CNTNAP4: variants seen among roughly 807,000 people sequenced by gnomAD.
CNTNAP4 encodes the protein contactin-associated protein-like 4.
Under a neutral mutation model 148.4 loss-of-function variants are expected in CNTNAP4, and 98 were observed. The observed-to-expected ratio is 0.66, with a 90% CI of 0.56 to 0.78. CNTNAP4 has a LOEUF of 0.78. Ranked by LOEUF, CNTNAP4 falls within the 30% of genes least tolerant of loss-of-function variation. CNTNAP4 has a pLI of 0.00. For missense variants in CNTNAP4, 1,935 were observed against 1,565.6 expected, an observed-to-expected ratio of 1.24 and a Z score of -3.98; for synonymous variants, 730 against 565.1, an observed-to-expected ratio of 1.29 and a Z score of -4.14.
At chr16:76,367,776 G>A (rs1477574357) in intron 3 of CNTNAP4, among the ~76,000 whole-genome samples, 4 of 152,128 alleles carry the variant, frequency 2.6e-5, no homozygotes, top group Non-Finnish European at 5.9e-5. Flanking sequence ...GGCTTAGTGG[G>A]TGTCGCCACC....
intron 15 of CNTNAP4, among the ~76,000 whole-genome samples, chr16:76,510,511 T>A (rs984071386): frequency 4.6e-5 from 7 of 152,026 alleles, no homozygotes; most frequent in Non-Finnish European, 7.4e-5. Context: ...CTTCGGTATG[T>A]ACCTAGGAGT....
chr16:76,361,667 T>C (rs2013453985), intron 3 of CNTNAP4, among the ~76,000 whole-genome samples: 1 of 152,218 alleles, frequency 6.6e-6, no homozygotes, highest in South Asian at 2.1e-4. Context: ...TTCTTTTGGA[T>C]AAATACCTGG....
chr16:76,490,165 G>C lies in CNTNAP4; in HGVS notation c.2080+282G>C, dbSNP rs114606551. On this transcript the variant is annotated intron_variant, in intron 13 of 23. Coordinates refer to ENST00000611870, the MANE Select transcript of CNTNAP4 (RefSeq NM_033401.5). Reference sequence around the variant, plus strand: ...AACTGTACAGCAAAGGCCTCCTTCTGATACTCAGTGAATGCACAGTGTTTA... The same window carrying C: ...AACTGTACAGCAAAGGCCTCCTTCTCATACTCAGTGAATGCACAGTGTTTA... Among the ~76,000 whole-genome samples, 1,030 of 152,258 alleles carry C rather than the reference G, an allele frequency of 6.8e-3. 16 individuals carry two copies. Among genetic ancestry groups the C allele is most frequent in the African/African-American group, 0.024 (981 of 41,526 alleles).
At chr16:76,542,457 C>A (rs770311114) in intron 21 of CNTNAP4, among the ~76,000 whole-genome samples, 1 of 152,122 alleles carries the variant, frequency 6.6e-6, no homozygotes, top group Non-Finnish European at 1.5e-5. Flanking sequence ...CAAGCAGCAA[C>A]AAAAACAAAG....
chr16:76,418,972 T>C (rs1013124345), intron 3 of CNTNAP4, among the ~76,000 whole-genome samples: 1 of 151,926 alleles, frequency 6.6e-6, no homozygotes, highest in African/African-American at 2.4e-5. Context: ...TCAGAGGCGG[T>C]CTTTGTTTTT....
chr16:76,321,640 T>A (rs1456325687), intron 2 of CNTNAP4, among the ~76,000 whole-genome samples: 1 of 151,348 alleles, frequency 6.6e-6, no homozygotes, highest in African/African-American at 2.4e-5. Flanking sequence ...ATACAAAAAA[T>A]TAGCCGGGCG....
intron 3 of CNTNAP4, among the ~76,000 whole-genome samples, chr16:76,394,456 A>C (rs2078129329): frequency 1.3e-5 from 2 of 152,334 alleles, no homozygotes; most frequent in African/African-American, 4.8e-5. Flanking sequence ...TTGAATTATA[A>C]TTACAAAATG....
intron 3 of CNTNAP4, among the ~76,000 whole-genome samples, chr16:76,395,990 A>G (rs1224651168): frequency 6.6e-6 from 1 of 152,208 alleles, no homozygotes; most frequent in Non-Finnish European, 1.5e-5. Context: ...CAGCCTCCCA[A>G]AATGCGAGGA....
At chr16:76,302,496 C>T (rs898469275) in intron 1 of CNTNAP4, among the ~76,000 whole-genome samples, 40 of 152,078 alleles carry the variant, frequency 2.6e-4, no homozygotes, top group African/African-American at 8.9e-4. Context: ...GATTTTCTCC[C>T]TCCAGGCCTG....
At chr16:76,491,390 GT>G (rs1179760950) in intron 13 of CNTNAP4, among the ~76,000 whole-genome samples, 17 of 152,296 alleles carry the variant, frequency 1.1e-4, no homozygotes, top group African/African-American at 3.8e-4. Context: ...TGGACGAATG[GT>G]TAATGAATCT....
intron 3 of CNTNAP4, among the ~76,000 whole-genome samples, chr16:76,405,282 C>T (rs1031081627): frequency 2.6e-5 from 4 of 152,060 alleles, no homozygotes; most frequent in Admixed American, 1.3e-4. Context: ...ATTGTTTTTT[C>T]CCAGTAGCTA....
chr16:76,408,679 T>G (rs1303291626), intron 3 of CNTNAP4, among the ~76,000 whole-genome samples: 2 of 152,084 alleles, frequency 1.3e-5, no homozygotes, highest in African/African-American at 4.8e-5. Context: ...AATAATTTAT[T>G]TGCACCATCA....
intron 4 of CNTNAP4, among the ~76,000 whole-genome samples, chr16:76,430,714 G>A (rs2079575984): frequency 1.3e-5 from 2 of 152,104 alleles, no homozygotes; most frequent in African/African-American, 2.4e-5. Flanking sequence ...CGTGACTCAG[G>A]TGCGCTTCGC....
At chr16:76,481,513 C>G (rs776645912) in intron 12 of CNTNAP4, among the ~76,000 whole-genome samples, 6 of 152,140 alleles carry the variant, frequency 3.9e-5, no homozygotes, top group Non-Finnish European at 7.4e-5. Flanking sequence ...GACCCCATCT[C>G]TATTTTTCTT....
At chr16:76,347,302 T>C (rs902843810) in intron 2 of CNTNAP4, among the ~76,000 whole-genome samples, 5 of 152,162 alleles carry the variant, frequency 3.3e-5, no homozygotes, top group Admixed American at 2.0e-4. Context: ...GACCATGTTA[T>C]ACCCACGTGA....
At chr16:76,497,603 C>G (rs2082445124) in intron 14 of CNTNAP4, among the ~76,000 whole-genome samples, 1 of 151,130 alleles carries the variant, frequency 6.6e-6, no homozygotes, top group Non-Finnish European at 1.5e-5. Context: ...AAACAGAAAA[C>G]CAAACACTGC....
intron 1 of CNTNAP4, among the ~76,000 whole-genome samples, chr16:76,304,856 A>G (rs1461216147): frequency 6.6e-6 from 1 of 152,142 alleles, no homozygotes; most frequent in East Asian, 1.9e-4. Context: ...TAATCCCTAA[A>G]ATCATTCAGT....
chr16:76,497,788 C>A (rs191574202), intron 14 of CNTNAP4, among the ~76,000 whole-genome samples: 1 of 151,886 alleles, frequency 6.6e-6, no homozygotes, highest in Admixed American at 6.6e-5. Context: ...CCCGTGTATA[C>A]CTGAGTAACA....
At chr16:76,557,737 A>G (rs1034991852) in intron 23 of CNTNAP4, 18 of 152,172 alleles carry the variant, frequency 1.2e-4, no homozygotes, top group African/African-American at 4.3e-4. Context: ...GTTCCGTATT[A>G]AAATGGAAAT....
Sources: allele counts gnomAD v4.1 joint callset (sites outside exome capture counted in the v4.1 genomes callset), GRCh38; gene constraint gnomAD v4.1.1; transcripts MANE v1.5; gene names NCBI Gene and HGNC (gene_info 2026-07-23, HGNC 2026-07-21).